SNRNP35: variants seen among roughly 807,000 people sequenced by gnomAD.
SNRNP35 encodes U11/U12 small nuclear ribonucleoprotein 35 kDa protein.
Under a neutral mutation model 24.3 loss-of-function variants are expected in SNRNP35, and 16 were observed. The ratio of observed to expected loss-of-function variants is 0.66; its 90% CI spans 0.45 to 1.00. The LOEUF (loss-of-function observed/expected upper bound fraction) is 1.00, where lower values mean the gene tolerates loss of function less well. Among genes scored for constraint, SNRNP35 ranks in the 50% least tolerant of loss-of-function variants. SNRNP35 has a pLI of 0.00. For synonymous variants in SNRNP35, 106 were observed against 124.8 expected (o/e 0.85, Z 1.00); for missense variants, 292 against 327.2 (o/e 0.89, Z 0.83).
At chr12:123,459,892 A>G in intron 1 of SNRNP35, 1 of 1,591,190 alleles carries the variant, frequency 6.3e-7, no homozygotes, top group East Asian at 2.2e-5. Flanking sequence ...AGAAACAATG[A>G]AACCAGCTGT....
rs1881232470 is a variant in SNRNP35 at position 123,472,190 on chromosome 12, C to T, written n.1197C>T. The T allele has an allele frequency of 1.6e-5, 4 of 255,414 alleles. No individual in the cohort carries two copies. In the South Asian group the frequency reaches 2.8e-4, roughly 18 times the overall value. The allele number at this position is 255,414 out of a possible 1,614,324, so 15.8% of individuals were successfully genotyped here. A position where few individuals can be genotyped will look rare whatever the true frequency, so the allele number is the denominator to read the frequency against. ...ACATAGCATTTTATACAAAGCAAGT[C>T]AAACAGCAATGATAGTGGCAAGTGA... On this transcript the variant is annotated non_coding_transcript_exon_variant, in exon 2 of 2. Coordinates refer to the SNRNP35 transcript ENST00000527158.
intron 1 of SNRNP35, among the ~76,000 whole-genome samples, chr12:123,461,154 C>T (rs1405636613): frequency 1.2e-4 from 18 of 149,486 alleles, no homozygotes; most frequent in African/African-American, 9.9e-5. Flanking sequence ...CTCGCTCTGT[C>T]GCCCAGGCTG....
chr12:123,472,233 A>G, exon 2 of SNRNP35: 1 of 317,702 alleles, frequency 3.1e-6, no homozygotes, highest in Non-Finnish European at 5.9e-6. Flanking sequence ...GGCTTAAAGA[A>G]GCTTGTGTTA....
intron 1 of SNRNP35, 89 bp downstream of exon 1, chr12:123,458,305 G>A (rs1357341265): frequency 5.7e-6 from 5 of 884,202 alleles, no homozygotes; most frequent in Non-Finnish European, 6.8e-6. Context: ...GCGCTTGTGT[G>A]GGGCGCCATG....
At chr12:123,459,929 G>T (rs1366177638) in intron 1 of SNRNP35, 4 of 1,389,388 alleles carry the variant, frequency 2.9e-6, no homozygotes, top group Middle Eastern at 1.8e-4. Flanking sequence ...ATGCAGATGA[G>T]AGAGAGAACA....
intron 1 of SNRNP35, among the ~76,000 whole-genome samples, chr12:123,461,986 C>G (rs1176640489): frequency 2.6e-5 from 4 of 152,142 alleles, no homozygotes; most frequent in African/African-American, 9.7e-5. Context: ...TCCCAAGATG[C>G]TGGGATTACT....
exon 2 of SNRNP35, chr12:123,472,289 A>C: frequency 2.2e-6 from 1 of 460,764 alleles, no homozygotes; most frequent in Admixed American, 3.5e-5. Flanking sequence ...GGATTATTAA[A>C]TATATATCCT....
chr12:123,471,120 G>C (rs1036505053), downstream of SNRNP35: 1 of 150,014 alleles, frequency 6.7e-6, no homozygotes, highest in Admixed American at 6.7e-5. Context: ...GCCCAGGCTG[G>C]AGTGCAATGG....
chr12:123,459,517 G>A (rs560287293), intron 1 of SNRNP35: 15 of 198,294 alleles, frequency 7.6e-5, no homozygotes, highest in African/African-American at 2.8e-4. Context: ...CCCAGGCGCG[G>A]TGGTTCACGC....
intron 1 of SNRNP35, among the ~76,000 whole-genome samples, chr12:123,461,917 T>C (rs1880654461): frequency 6.6e-6 from 1 of 151,974 alleles, no homozygotes; most frequent in South Asian, 2.1e-4. Flanking sequence ...AGATGGGGTT[T>C]CGCTATGTTG....
chr12:123,469,070 C>T (rs1257087266), downstream of SNRNP35, among the ~76,000 whole-genome samples: 1 of 152,164 alleles, frequency 6.6e-6, no homozygotes, highest in Non-Finnish European at 1.5e-5. Flanking sequence ...ATCCTCTCTC[C>T]CCCTCCAGTT....
chr12:123,458,428 GC>G (rs1880400314), intron 1 of SNRNP35, among the ~76,000 whole-genome samples: 2 of 103,126 alleles, frequency 1.9e-5, no homozygotes, highest in Admixed American at 2.0e-4. Context: ...AAGGAGAGGG[GC>G]GGGGGAGCGG....
downstream of SNRNP35, chr12:123,471,841 G>A (rs748372235): frequency 1.3e-5 from 2 of 152,644 alleles, no homozygotes; most frequent in Non-Finnish European, 2.9e-5. Flanking sequence ...TAGCAACTTT[G>A]TTTGGTTAGT....
In SNRNP35 at chr12:123,466,066, T is replaced by A; in HGVS notation, c.526T>A (p.Tyr176Asn). Residue 176 changes from tyrosine to asparagine, a missense_variant, in exon 2 of 2, where the codon TAT becomes AAT. Coordinates refer to ENST00000526639, the MANE Select transcript of SNRNP35 (RefSeq NM_022717.4). ...CTTGCCAGTTGTTAAAAACGACCTC[T>A]ATAGAGAGGGAAAACGGGAAAGGCG... ...INLPVVKNDL[Y>N]REGKRERRER... The A allele has an allele frequency of 1.2e-6, 2 of 1,613,748 alleles. No individual in the cohort carries two copies. Among genetic ancestry groups the A allele is most frequent in the Non-Finnish European group, 1.7e-6 (2 of 1,179,966 alleles).
intron 1 of SNRNP35, among the ~76,000 whole-genome samples, chr12:123,463,214 C>T (rs1006296677): frequency 6.6e-6 from 1 of 151,970 alleles, no homozygotes; most frequent in African/African-American, 2.4e-5. Flanking sequence ...GCGTGCACCA[C>T]CATGCCTGGC....
Position 123,465,665 on chromosome 12 carries a change from A to G in SNRNP35, c.125A>G (p.Asn42Ser), listed in dbSNP as rs1880916178. 9.9e-6 allele frequency: 16 copies of G among 1,613,964 alleles called. No homozygotes were observed. Among genetic ancestry groups the G allele is most frequent in the Non-Finnish European group, 1.4e-5 (16 of 1,179,942 alleles). Reference sequence around the variant, plus strand: ...GCAATGCTGGCACGATATGTCCCCAACAAAGGTGTCATAGGAGATCCCCTC... The same window carrying G: ...GCAATGCTGGCACGATATGTCCCCAGCAAAGGTGTCATAGGAGATCCCCTC... ...WRAMLARYVP[N>S]KGVIGDPLLT... Residue 42 changes from asparagine (N) to serine (S), a missense_variant, in exon 2 of 2, where the codon AAC (asparagine) becomes AGC (serine). Physicochemically the swap from Asn to Ser is conservative, Grantham distance 46 (BLOSUM62 1). Coordinates refer to ENST00000526639, the MANE Select transcript of SNRNP35 (RefSeq NM_022717.4). This position sits in a 1 kb window ranked among gnomAD's most constrained non-coding sequence, Gnocchi z 4.2.
intron 1 of SNRNP35, among the ~76,000 whole-genome samples, chr12:123,461,158 C>T (rs1566102764): frequency 6.6e-6 from 1 of 150,766 alleles, no homozygotes; most frequent in Admixed American, 6.6e-5. Context: ...CTCTGTCGCC[C>T]AGGCTGGAGT....
rs751867620 is a variant in SNRNP35 at position 123,459,852 on chromosome 12, G to T, written c.-4+1636G>T. The T allele has an allele frequency of 1.6e-5, 26 of 1,592,724 alleles. No individual in the cohort carries two copies. In the South Asian group the frequency reaches 3.0e-4, roughly 18 times the overall value. ...TAGGAAATCTCAACCTAATGCTGCCGGGGAGGAAGTGCACCTAGAAAGATT... is the reference window on the plus strand; with the variant it reads ...TAGGAAATCTCAACCTAATGCTGCCTGGGAGGAAGTGCACCTAGAAAGATT... On this transcript the variant is annotated intron_variant, in intron 1 of 1. Transcript: ENST00000526639.
At chr12:123,472,700 A>G in exon 2 of SNRNP35, 2 of 1,588,566 alleles carry the variant, frequency 1.3e-6, no homozygotes, top group Non-Finnish European at 8.6e-7. Flanking sequence ...AGGGAAAGCA[A>G]ACACAGAAAT....
Sources: gnomAD v4.1 joint callset for allele counts (sites outside exome capture counted in the v4.1 genomes callset) on GRCh38, gnomAD v4.1.1 for gene constraint, Gnocchi (gnomAD v3.1) non-coding constraint, MANE v1.5 for transcripts, NCBI Gene and HGNC (gene_info 2026-07-23, HGNC 2026-07-21) for gene names.